Variants in ADRA1D observed in about 807,000 individuals in gnomAD.
ADRA1D encodes alpha-1D adrenergic receptor.
ADRA1D carries 22 observed loss-of-function variants against 18.6 expected under a neutral mutation model. The ratio of observed to expected loss-of-function variants is 1.19; its 90% CI spans 0.85 to 1.69. The LOEUF (loss-of-function observed/expected upper bound fraction) is 1.69, where lower values mean the gene tolerates loss of function less well. Among genes scored for constraint, ADRA1D ranks in the 40% most tolerant of loss-of-function variants. The pLI is 0.00. For synonymous variants in ADRA1D, 376 were observed against 388.2 expected, an observed-to-expected ratio of 0.97 and a Z score of 0.37; for missense variants, 840 against 840.7, an observed-to-expected ratio of 1.00 and a Z score of 0.01.
chr20:4,232,603 GC>G (rs1009397040), intron 1 of ADRA1D, among the ~76,000 whole-genome samples: 8 of 152,184 alleles, frequency 5.3e-5, no homozygotes. Flanking sequence ...GAGCTGCTTG[GC>G]CATCTCTTTC....
At chr20:4,243,684 T>C (rs1452602080) in intron 1 of ADRA1D, among the ~76,000 whole-genome samples, 1 of 151,174 alleles carries the variant, frequency 6.6e-6, no homozygotes, top group East Asian at 2.0e-4. Flanking sequence ...CCCTCCCCTC[T>C]CTCTCGGTGA....
In ADRA1D at chr20:4,221,808, G is replaced by C; in HGVS notation, c.1434C>G (p.Pro478=). 1 of 1,550,124 alleles carries C rather than the reference G, an allele frequency of 6.5e-7. No individual in the cohort carries two copies. Among genetic ancestry groups the C allele is most frequent in the African/African-American group, 1.4e-5 (1 of 72,870 alleles). ...PDPDPEPPGT[P]EMQAPVASRR... ...GGCTGGCGACCGGAGCCTGCATCTC[G>C]GGCGTGCCTGGGGGTTCGGGGTCGG... Residue 478 remains proline (P), a synonymous_variant, in exon 2 of 2, where the codon CCC becomes CCG. Coordinates refer to ENST00000379453, the MANE Select transcript of ADRA1D (RefSeq NM_000678.4).
In ADRA1D at chr20:4,221,235, T is replaced by G. The variant is rs1980649905; in HGVS notation, c.*288A>C. 6.2e-6 allele frequency: 2 copies of G among 324,876 alleles called. No homozygotes were observed. The highest frequency in any genetic ancestry group is 1.7e-4 in the South Asian group (2 of 11,480). The allele number at this position is 324,876 out of a possible 1,614,324, so 20.1% of individuals were successfully genotyped here. ...GTTCAGGGCATGGAGGATGGGGCAGTGTTTCTCAAATAGGGATTGGGAGCA... is the reference window on the plus strand; with the variant it reads ...GTTCAGGGCATGGAGGATGGGGCAGGGTTTCTCAAATAGGGATTGGGAGCA... On this transcript the variant is annotated 3_prime_UTR_variant, in exon 2 of 2. Transcript: ENST00000379453.
intron 1 of ADRA1D, among the ~76,000 whole-genome samples, chr20:4,243,985 T>G (rs1176837203): frequency 6.6e-6 from 1 of 152,208 alleles, no homozygotes; most frequent in Non-Finnish European, 1.5e-5. Flanking sequence ...GCCAGTGACT[T>G]GGGTCCTTAG....
Position 4,247,904 on chromosome 20 carries a change from T to C in ADRA1D, c.1054A>G (p.Ile352Val), listed in dbSNP as rs955025810. 4 of 1,597,280 alleles carry C rather than the reference T, an allele frequency of 2.5e-6. No individual in the cohort carries two copies. The highest frequency in any genetic ancestry group is 3.4e-6 in the Non-Finnish European group (4 of 1,173,926). The change falls in exon 1 of 2, where the codon ATC becomes GTC. Residue 352 changes from isoleucine (I) to valine (V), a missense_variant. Transcript: ENST00000379453. ...REKKAAKTLA[I>V]VVGVFVLCWF... ...CAGAGCACGAAGACACCCACGACGA[T>C]GGCCAGAGTCTTGGCCGCTTTCTTC...
At chr20:4,228,709 G>A (rs1980878242) in intron 1 of ADRA1D, among the ~76,000 whole-genome samples, 1 of 152,154 alleles carries the variant, frequency 6.6e-6, no homozygotes, top group Non-Finnish European at 1.5e-5. Context: ...CAGAAACTAG[G>A]CACTCGCCCA....
chr20:4,247,768 G>T, intron 1 of ADRA1D, 79 bp downstream of exon 1: 1 of 1,400,290 alleles, frequency 7.1e-7, no homozygotes, highest in South Asian at 1.7e-5. Context: ...GGTGGGGGTC[G>T]CCCAAGTCTG....
chr20:4,230,582 C>T (rs1464844272), intron 1 of ADRA1D, among the ~76,000 whole-genome samples: 8 of 152,236 alleles, frequency 5.3e-5, no homozygotes, highest in Non-Finnish European at 1.2e-4. Context: ...ATCCTCTCCA[C>T]TCTGCACACA....
At chr20:4,228,261 C>A (rs1042208930) in intron 1 of ADRA1D, among the ~76,000 whole-genome samples, 2 of 152,180 alleles carry the variant, frequency 1.3e-5, no homozygotes, top group Non-Finnish European at 2.9e-5. Flanking sequence ...GCTCCTTGAA[C>A]ACGCTTGGGG....
At chr20:4,233,369 G>A (rs2122665210) in intron 1 of ADRA1D, among the ~76,000 whole-genome samples, 1 of 152,156 alleles carries the variant, frequency 6.6e-6, no homozygotes, top group African/African-American at 2.4e-5. Context: ...ACTGAGGTGG[G>A]AGGATCACTT....
In ADRA1D at chr20:4,239,392, T is replaced by C. The variant is rs373660902; in HGVS notation, c.1111+8455A>G. ...GTCCAAGGACAGAAGTCCCCATCAG[T>C]GTTGTGTTTTTCTTCTACTGAAAAT... On this transcript the variant is annotated intron_variant, in intron 1 of 1. Coordinates refer to ENST00000379453, the MANE Select transcript of ADRA1D (RefSeq NM_000678.4). The surrounding 1 kb of genome is among the most constrained non-coding windows in gnomAD (Gnocchi z 4.9). Among the ~76,000 whole-genome samples the C allele has an allele frequency of 3.7e-4, 56 of 152,236 alleles. 2 individuals carry two copies. In the South Asian group the frequency reaches 0.01, roughly 28 times the overall value.
chr20:4,239,674 A>G lies in ADRA1D; in HGVS notation c.1111+8173T>C, dbSNP rs759319659. Among the ~76,000 whole-genome samples the G allele has an allele frequency of 7.9e-5, 12 of 152,340 alleles. No individual in the cohort carries two copies. Among genetic ancestry groups the G allele is most frequent in the South Asian group, 2.1e-4 (1 of 4,822 alleles). ...GTACCCACTGGCCAAGCCCAAAACA[A>G]TGATGTCTGTGATGTGTTGGAACAG... On this transcript the variant is annotated intron_variant, in intron 1 of 1. Coordinates refer to ENST00000379453, the MANE Select transcript of ADRA1D (RefSeq NM_000678.4). The surrounding 1 kb of genome is among the most constrained non-coding windows in gnomAD (Gnocchi z 4.9).
intron 1 of ADRA1D, among the ~76,000 whole-genome samples, chr20:4,233,670 C>T (rs1330594416): frequency 6.6e-6 from 1 of 152,176 alleles, no homozygotes; most frequent in Non-Finnish European, 1.5e-5. Flanking sequence ...GTCCCCAAAA[C>T]CTTGGGACCA....
chr20:4,247,284 C>T lies in ADRA1D; in HGVS notation c.1111+563G>A, dbSNP rs1600853602. Among the ~76,000 whole-genome samples, 5 of 152,362 alleles carry T rather than the reference C, an allele frequency of 3.3e-5. 2 individuals carry two copies. In the South Asian group the frequency reaches 1.0e-3, roughly 32 times the overall value. ...CATTGCCACTCAGCCTCCTTCCTTT[C>T]CAAGAGGGGATCTCAGAAATGAGAA... On this transcript the variant is annotated intron_variant, in intron 1 of 1. Transcript: ENST00000379453.
At chr20:4,234,277 TGCTGAGGACAGACGGC>T (rs1207202427) in intron 1 of ADRA1D, among the ~76,000 whole-genome samples, 1 of 152,180 alleles carries the variant, frequency 6.6e-6, no homozygotes, top group Non-Finnish European at 1.5e-5. Flanking sequence ...GGCCAAGCCT[TGCTGAGGACAGACGGC>T]GCTGAAGTCA....
At position 4,248,295 on chromosome 20, in the gene ADRA1D, C is replaced by A; in HGVS notation, c.663G>T (p.Trp221Cys). ...RKAAAILALL[W>C]VVALVVSVGP... is the part of the protein sequence containing the mutation. The stretch of plus-strand genomic sequence containing the variant: ...CTACGGACACCACCAGGGCTACGAC[C>A]CAGAGCAGGGCCAGGATGGCGGCCG... Residue 221 changes from tryptophan (W) to cysteine (C), a missense_variant, in exon 1 of 2, where the codon TGG becomes TGT. Transcript: ENST00000379453. The A allele has an allele frequency of 6.2e-7, 1 of 1,608,160 alleles. No individual in the cohort carries two copies. The highest frequency in any genetic ancestry group is 8.5e-7 in the Non-Finnish European group (1 of 1,177,550).
At chr20:4,223,331 T>C (rs182882410) in intron 1 of ADRA1D, among the ~76,000 whole-genome samples, 1 of 152,338 alleles carries the variant, frequency 6.6e-6, no homozygotes, top group African/African-American at 2.4e-5. Flanking sequence ...TTGTAATCTT[T>C]TGTATTTTGT....
intron 1 of ADRA1D, among the ~76,000 whole-genome samples, chr20:4,226,872 C>G (rs1455288412): frequency 6.6e-6 from 1 of 152,242 alleles, no homozygotes; most frequent in Non-Finnish European, 1.5e-5. Flanking sequence ...TTCTCCTGTT[C>G]CGCTCACAGA....
chr20:4,248,981 C>A lies in ADRA1D; in HGVS notation c.-24G>T. Reference sequence around the variant, plus strand: ...ATCTCAACGCGCGGCCGTCGGTGGCCGGGCCGGGGCACAGAACGAGCGGCC... The same window carrying A: ...ATCTCAACGCGCGGCCGTCGGTGGCAGGGCCGGGGCACAGAACGAGCGGCC... On this transcript the variant is annotated 5_prime_UTR_variant, in exon 1 of 2. Transcript: ENST00000379453. 2 of 1,318,800 alleles carry A rather than the reference C, an allele frequency of 1.5e-6. No individual in the cohort carries two copies. The highest frequency in any genetic ancestry group is 9.8e-7 in the Non-Finnish European group (1 of 1,023,602). The allele number at this position is 1,318,800 out of a possible 1,614,324, so 81.7% of individuals were successfully genotyped here.
Sources: allele counts gnomAD v4.1 joint callset (sites outside exome capture counted in the v4.1 genomes callset), GRCh38; gene constraint gnomAD v4.1.1; non-coding constraint Gnocchi (gnomAD v3.1); transcripts MANE v1.5; gene names NCBI Gene and HGNC (gene_info 2026-07-23, HGNC 2026-07-21).